Variants in RGMA observed in about 807,000 individuals in gnomAD.
RGMA encodes the protein repulsive guidance molecule BMP co-receptor a, also known as repulsive guidance molecule A.
A neutral mutation model predicts 23.2 loss-of-function variants in RGMA; 10 were observed. The ratio of observed to expected loss-of-function variants is 0.43; its 90% CI spans 0.27 to 0.73. The LOEUF (loss-of-function observed/expected upper bound fraction) is 0.73. Among genes scored for constraint, RGMA ranks in the 30% least tolerant of loss-of-function variants. The pLI, the probability that RGMA is intolerant of heterozygous loss-of-function variation, is 0.20. For missense variants in RGMA, 547 were observed against 630.5 expected (o/e 0.87, Z 1.42); for synonymous variants, 308 against 279.3 (o/e 1.10, Z -1.03).
chr15:93,083,828 C>A (rs918273083), intron 1 of RGMA, among the ~76,000 whole-genome samples: 1 of 152,224 alleles, frequency 6.6e-6, no homozygotes, highest in Non-Finnish European at 1.5e-5. Context: ...TTCGTAACGT[C>A]TACAGGTGAG....
chr15:93,045,946 T>G lies in RGMA; in HGVS notation c.646-241A>C, dbSNP rs1053749314. 1.3e-5 allele frequency among the ~76,000 whole-genome samples: 2 copies of G among 152,120 alleles called. No individual in the cohort carries two copies. The highest frequency in any genetic ancestry group is 4.8e-5 in the African/African-American group (2 of 41,424). ...GTGACTTAGAAAAATGTTAGACCAC[T>G]ACCCTAAGTAGAAAACTAGCTCTTT... On this transcript the variant is annotated intron_variant, in intron 3 of 3. Coordinates refer to ENST00000329082, the MANE Select transcript of RGMA (RefSeq NM_020211.3). The surrounding 1 kb of genome is among the most constrained non-coding windows in gnomAD (Gnocchi z 6.9).
chr15:93,065,662 G>A (rs1031797549), intron 2 of RGMA: 17 of 1,054,140 alleles, frequency 1.6e-5, no homozygotes, highest in Middle Eastern at 2.2e-4. Context: ...GCCGGGGGCC[G>A]GGGCCTGCTG....
intron 1 of RGMA, among the ~76,000 whole-genome samples, chr15:93,077,046 A>C (rs1044996379): frequency 3.9e-5 from 6 of 152,096 alleles, no homozygotes; most frequent in Non-Finnish European, 8.8e-5. Context: ...CGGGCAAGGG[A>C]GGGGATGGCA....
At chr15:93,050,000 C>G (rs915007627) in intron 3 of RGMA, among the ~76,000 whole-genome samples, 1 of 152,256 alleles carries the variant, frequency 6.6e-6, no homozygotes, top group Non-Finnish European at 1.5e-5. Context: ...CCCACTCCGC[C>G]TGCTTTGGAT....
intron 3 of RGMA, among the ~76,000 whole-genome samples, chr15:93,048,304 G>A (rs562952781): frequency 3.2e-4 from 48 of 152,294 alleles, no homozygotes; most frequent in Non-Finnish European, 6.2e-4. Context: ...TTCTGAAGAA[G>A]GAAAATGTGT....
At chr15:93,066,659 G>A (rs998020622) in intron 2 of RGMA, 2 of 439,042 alleles carry the variant, frequency 4.6e-6, no homozygotes, top group Non-Finnish European at 8.9e-6. Context: ...TCATCCTGCC[G>A]GGTCCAGTAC....
At chr15:93,066,417 C>T in intron 2 of RGMA, 1 of 659,712 alleles carries the variant, frequency 1.5e-6, no homozygotes, top group Non-Finnish European at 2.8e-6. Context: ...CGGGGGTTTC[C>T]AAGGCCGCCG....
intron 1 of RGMA, chr15:93,073,953 C>T (rs907092418): frequency 5.6e-6 from 8 of 1,426,208 alleles, no homozygotes; most frequent in African/African-American, 4.3e-5. Context: ...CTCTGCGAGG[C>T]CCGCAAGGCT....
chr15:93,079,804 A>G (rs1320255719), intron 1 of RGMA, among the ~76,000 whole-genome samples: 1 of 152,080 alleles, frequency 6.6e-6, no homozygotes, highest in African/African-American at 2.4e-5. Flanking sequence ...TGGGCAACGG[A>G]GAGACTCTGT....
At chr15:93,088,649 C>A (rs1895682834) in intron 1 of RGMA, 2 of 1,027,524 alleles carry the variant, frequency 1.9e-6, no homozygotes, top group East Asian at 4.0e-5. Context: ...GTGTAAGGGA[C>A]GTGTGCCGGG....
At chr15:93,074,944 T>C (rs1294986478) in intron 1 of RGMA, among the ~76,000 whole-genome samples, 1 of 152,184 alleles carries the variant, frequency 6.6e-6, no homozygotes, top group African/African-American at 2.4e-5. Flanking sequence ...CCAAGTCACC[T>C]GGACAGTAAT....
In RGMA at chr15:93,036,226, C is replaced by T. The variant is rs1240019738; in HGVS notation, c.*8772G>A. On this transcript the variant is annotated 3_prime_UTR_variant, in exon 4 of 4. Transcript: ENST00000329082. The stretch of plus-strand genomic sequence containing the variant: ...CCCAGCTCATCACGGGGCCTCATGA[C>T]GTATTTGTTGAATGCCTGAATGTGC... 2.0e-5 allele frequency: 3 copies of T among 152,210 alleles called. No individual in the cohort carries two copies. The highest frequency in any genetic ancestry group is 6.5e-5 in the Admixed American group (1 of 15,286). 9.4% of individuals were successfully genotyped at this position (152,210 alleles called of 1,614,324 possible).
At chr15:93,047,320 C>T (rs935406227) in intron 3 of RGMA, among the ~76,000 whole-genome samples, 9 of 152,164 alleles carry the variant, frequency 5.9e-5, no homozygotes, top group Admixed American at 3.9e-4. Context: ...TCTTCCACTC[C>T]TTTCCCAGGT....
At chr15:93,075,427 G>A (rs533455457) in intron 1 of RGMA, among the ~76,000 whole-genome samples, 1 of 152,168 alleles carries the variant, frequency 6.6e-6, no homozygotes, top group East Asian at 1.9e-4. Context: ...CCCCAAAAAA[G>A]ACAAAGATTC....
At chr15:93,066,230 G>A in intron 2 of RGMA, 1 of 1,396,216 alleles carries the variant, frequency 7.2e-7, no homozygotes, top group Non-Finnish European at 1.0e-6. Context: ...ACGCTGCGCA[G>A]AAACTTCCTG....
chr15:93,088,328 C>T, intron 1 of RGMA: 1 of 985,652 alleles, frequency 1.0e-6, no homozygotes. Context: ...TCGCCGTGCC[C>T]TCCCGTCCAC....
chr15:93,038,573 T>G lies in RGMA; in HGVS notation c.*6425A>C, dbSNP rs1382917468. 2 of 140,968 alleles carry G rather than the reference T, an allele frequency of 1.4e-5. No individual in the cohort carries two copies. The highest frequency in any genetic ancestry group is 7.1e-5 in the Admixed American group (1 of 14,124). 8.7% of individuals were successfully genotyped at this position (140,968 alleles called of 1,614,324 possible). On this transcript the variant is annotated 3_prime_UTR_variant, in exon 4 of 4. Coordinates refer to ENST00000329082, the MANE Select transcript of RGMA (RefSeq NM_020211.3). ...TAATGAACGAAACTGTTAGTTGTTTTTTTTTTTTTTTTGAGACGGTGTCTT... is the reference window on the plus strand; with the variant it reads ...TAATGAACGAAACTGTTAGTTGTTTGTTTTTTTTTTTTGAGACGGTGTCTT...
At chr15:93,087,830 T>G (rs997169852) in intron 1 of RGMA, among the ~76,000 whole-genome samples, 1 of 152,088 alleles carries the variant, frequency 6.6e-6, no homozygotes, top group African/African-American at 2.4e-5. Context: ...CGCAATTTCG[T>G]CCCCTGAGCT....
chr15:93,087,687 C>G (rs957370725), intron 1 of RGMA, among the ~76,000 whole-genome samples: 3 of 152,156 alleles, frequency 2.0e-5, no homozygotes, highest in African/African-American at 7.2e-5. Flanking sequence ...GATCTCTGCA[C>G]CAGATACCTG....
Sources: gnomAD v4.1 joint callset for allele counts (sites outside exome capture counted in the v4.1 genomes callset) on GRCh38, gnomAD v4.1.1 for gene constraint, Gnocchi (gnomAD v3.1) non-coding constraint, MANE v1.5 for transcripts, NCBI Gene and HGNC (gene_info 2026-07-23, HGNC 2026-07-21) for gene names.